Variants in NIBAN1 observed in about 807,000 individuals in gnomAD.
NIBAN1 encodes the protein protein Niban 1.
In NIBAN1, 81 loss-of-function variants were observed where a neutral mutation model predicts 75.1. That is an observed-to-expected ratio of 1.08 (90% CI 0.90 to 1.30). The LOEUF (loss-of-function observed/expected upper bound fraction) is 1.30. NIBAN1 is among the 50% of genes most tolerant of loss of function. NIBAN1 has a pLI of 0.00. For missense variants in NIBAN1, 1,133 were observed against 1,128.1 expected (o/e 1.00, Z -0.06); for synonymous variants, 436 against 424.8 (o/e 1.03, Z -0.32).
chr1:184,876,524 T>C (rs1254432081), intron 5 of NIBAN1, among the ~76,000 whole-genome samples: 1 of 151,584 alleles, frequency 6.6e-6, no homozygotes, highest in Admixed American at 6.6e-5. Flanking sequence ...ATGGTGAAAC[T>C]CTGTCTCTTC....
intron 1 of NIBAN1, among the ~76,000 whole-genome samples, chr1:184,934,731 C>T (rs1353674301): frequency 6.6e-6 from 1 of 152,130 alleles, no homozygotes; most frequent in Non-Finnish European, 1.5e-5. Context: ...CCTGTCTCTA[C>T]TAAAAATACA....
chr1:184,821,378 G>A (rs1216924515), intron 8 of NIBAN1: 2 of 152,092 alleles, frequency 1.3e-5, no homozygotes, highest in Non-Finnish European at 2.9e-5. Context: ...AGCACTGGAT[G>A]CCTAGTTAAA....
chr1:184,952,265 G>A (rs762251856), intron 1 of NIBAN1, among the ~76,000 whole-genome samples: 1 of 152,176 alleles, frequency 6.6e-6, no homozygotes, highest in Non-Finnish European at 1.5e-5. Context: ...TAAGCCAGGT[G>A]TGGTGGCACA....
Position 184,811,460 on chromosome 1 carries a change from A to G in NIBAN1, c.1174-3225T>C, listed in dbSNP as rs140852081. Among the ~76,000 whole-genome samples, 292 of 152,036 alleles carry G rather than the reference A, an allele frequency of 1.9e-3. 3 individuals are homozygous for G. Among genetic ancestry groups the G allele is most frequent in the African/African-American group, 6.9e-3 (284 of 41,456 alleles). On this transcript the variant is annotated intron_variant, in intron 9 of 13. Coordinates refer to ENST00000367511, the MANE Select transcript of NIBAN1 (RefSeq NM_052966.4). ...TCTTACTGAAGATAATTTACAGTGG[A>G]ATGTTCCGAAAGAACAACAATGCAT...
rs767981494 is a variant in NIBAN1 at position 184,884,726 on chromosome 1, AG to A, written c.507del (p.Phe170SerfsTer22). The A allele has an allele frequency of 3.7e-6, 6 of 1,614,238 alleles. No homozygotes were observed. Among genetic ancestry groups the A allele is most frequent in the Non-Finnish European group, 4.2e-6 (5 of 1,180,016 alleles). On this transcript the variant is annotated frameshift_variant, in exon 5 of 14. Coordinates refer to ENST00000367511, the MANE Select transcript of NIBAN1 (RefSeq NM_052966.4). LOFTEE classifies it high-confidence loss of function. ...PKEFPVYLWQ[P>X]FFRHGYFCFH... ...AAGCAGAAGTAGCCGTGTCTGAAGA[AG>A]GGCTGCCACAGGTACACTGGGAATT...
At chr1:184,871,618 C>A (rs565801144) in intron 5 of NIBAN1, among the ~76,000 whole-genome samples, 1 of 152,200 alleles carries the variant, frequency 6.6e-6, no homozygotes, top group South Asian at 2.1e-4. Context: ...TAATACAAAA[C>A]CCAAAAACAT....
chr1:184,903,948 G>A (rs1480033396), intron 1 of NIBAN1, among the ~76,000 whole-genome samples: 2 of 151,218 alleles, frequency 1.3e-5, no homozygotes, highest in Non-Finnish European at 2.9e-5. Context: ...CCAGGCTGTA[G>A]TGCAGTGGTG....
intron 1 of NIBAN1, among the ~76,000 whole-genome samples, chr1:184,907,364 A>G (rs1657132417): frequency 6.6e-6 from 1 of 152,232 alleles, no homozygotes; most frequent in South Asian, 2.1e-4. Flanking sequence ...GAGAAGATTA[A>G]TCAGGCCATT....
chr1:184,823,595 C>T (rs188665068), intron 7 of NIBAN1, 43 bp downstream of exon 7: 149 of 1,590,922 alleles, frequency 9.4e-5, no homozygotes, highest in Admixed American at 5.5e-4. Context: ...AGAGAATGTT[C>T]CCATTTTGAG....
At chr1:184,834,122 C>T (rs1361348185) in intron 5 of NIBAN1, among the ~76,000 whole-genome samples, 2 of 149,548 alleles carry the variant, frequency 1.3e-5, no homozygotes, top group East Asian at 2.0e-4. Context: ...GGTTTTCTGT[C>T]CTTGTGATAG....
rs1571613199 is a variant in NIBAN1, at chr1:184,967,921, C to CAAAATCCTTTAT, written c.55+6380_55+6381insATAAAGGATTTT. On this transcript the variant is annotated intron_variant, in intron 1 of 13. Coordinates refer to ENST00000367511, the MANE Select transcript of NIBAN1 (RefSeq NM_052966.4). ...GTTGACTCTTAGAAATCACAACTCA[C>CAAAATCCTTTAT]GGCCGGGCGCGGTGGCTCACGCCTG... 5.4e-3 allele frequency among the ~76,000 whole-genome samples: 401 copies of CAAAATCCTTTAT among 74,614 alleles called. 79 individuals carry two copies. The highest frequency in any genetic ancestry group is 6.8e-3 in the South Asian group (17 of 2,508). 48.9% of individuals were successfully genotyped at this position (74,614 alleles called of 152,430 possible).
chr1:184,855,341 A>T (rs534555948), intron 5 of NIBAN1, among the ~76,000 whole-genome samples: 1 of 152,330 alleles, frequency 6.6e-6, no homozygotes, highest in Admixed American at 6.5e-5. Context: ...CATAACATTG[A>T]ATAAAATAAC....
chr1:184,798,166 T>C lies in NIBAN1; in HGVS notation c.1579A>G (p.Ile527Val), dbSNP rs1237560695. 4.4e-6 allele frequency: 7 copies of C among 1,606,452 alleles called. No individual in the cohort carries two copies. Among genetic ancestry groups the C allele is most frequent in the Non-Finnish European group, 6.0e-6 (7 of 1,174,194 alleles). ...KPELQKYEQFIFADHTNMIHV... is the reference protein window; with the variant it reads ...KPELQKYEQFVFADHTNMIHV... ...ATCATATTGGTATGATCTGCAAAGA[T>C]GAACTGCTCGTATTTCTGAAGCTCC... Residue 527 changes from isoleucine to valine, a missense_variant, in exon 13 of 14, where the codon ATC becomes GTC. By Grantham distance (29) the Ile-to-Val change is conservative. Transcript: ENST00000367511.
intron 1 of NIBAN1, among the ~76,000 whole-genome samples, chr1:184,971,741 T>C (rs1361193994): frequency 1.3e-5 from 2 of 152,158 alleles, no homozygotes; most frequent in Non-Finnish European, 2.9e-5. Context: ...GCTCATGTGA[T>C]CACAAGTTGG....
rs916109611 is a variant in NIBAN1, at chr1:184,794,252, C to T, written c.*725G>A. On this transcript the variant is annotated 3_prime_UTR_variant, in exon 14 of 14. Transcript: ENST00000367511. The stretch of plus-strand genomic sequence containing the variant: ...TAATTTGGAATGCTTTCAGTCTTAC[C>T]CAGGCCAATAAAATTTTCTTGCCTC... 6 of 153,472 alleles carry T rather than the reference C, an allele frequency of 3.9e-5. No homozygotes were observed. The highest frequency in any genetic ancestry group is 9.7e-5 in the African/African-American group (4 of 41,398). 9.5% of individuals were successfully genotyped at this position (153,472 alleles called of 1,614,324 possible).
rs113520756 is a variant in NIBAN1, at chr1:184,937,648, G to A, written c.55+36654C>T. 8.5e-3 allele frequency among the ~76,000 whole-genome samples: 1,295 copies of A among 152,304 alleles called. 15 individuals are homozygous for A. Among genetic ancestry groups the A allele is most frequent in the South Asian group, 0.02 (96 of 4,828 alleles). On this transcript the variant is annotated intron_variant, in intron 1 of 13. Coordinates refer to ENST00000367511, the MANE Select transcript of NIBAN1 (RefSeq NM_052966.4). The stretch of plus-strand genomic sequence containing the variant: ...TGCAAACACAGTAAATGTGACAAAC[G>A]TCGTAACAAAATAAAAGCAGGTGTG...
intron 4 of NIBAN1, 79 bp downstream of exon 4, chr1:184,890,029 C>G: frequency 9.0e-7 from 1 of 1,110,864 alleles, no homozygotes; most frequent in Non-Finnish European, 1.4e-6. Flanking sequence ...AAATCCCTCT[C>G]CTTCACAGAG....
intron 1 of NIBAN1, among the ~76,000 whole-genome samples, chr1:184,965,974 G>A (rs542254417): frequency 7.2e-5 from 11 of 152,182 alleles, no homozygotes; most frequent in Non-Finnish European, 1.0e-4. Context: ...GATAATCTGC[G>A]AGTAAAAGAT....
chr1:184,840,425 G>A (rs1655252001), intron 5 of NIBAN1, among the ~76,000 whole-genome samples: 1 of 152,054 alleles, frequency 6.6e-6, no homozygotes. Context: ...GAGTTACAGT[G>A]GTGTTGGTCT....
Sources: gnomAD v4.1 joint callset for allele counts (sites outside exome capture counted in the v4.1 genomes callset) on GRCh38, gnomAD v4.1.1 for gene constraint, MANE v1.5 for transcripts, NCBI Gene and HGNC (gene_info 2026-07-23, HGNC 2026-07-21) for gene names.